The following DLG2 variants were observed in gnomAD, a reference collection of about 807,000 sequenced individuals.
The protein encoded by DLG2 is discs large MAGUK scaffold protein 2, also known as disks large homolog 2.
Under a neutral mutation model 132.5 loss-of-function variants are expected in DLG2, and 45 were observed. The observed-to-expected ratio is 0.34, with a 90% confidence interval of 0.27 to 0.44. The LOEUF (loss-of-function observed/expected upper bound fraction) is 0.44. DLG2 is among the 20% of genes least tolerant of loss of function. The pLI is 1.00. For missense variants in DLG2, 1,045 were observed against 1,196.9 expected, an observed-to-expected ratio of 0.87 and a Z score of 1.87; for synonymous variants, 424 against 419.6, an observed-to-expected ratio of 1.01 and a Z score of -0.13.
intron 6 of DLG2, among the ~76,000 whole-genome samples, chr11:84,631,010 TCTCTCTCTCA>T (rs1403447448): frequency 7.3e-4 from 95 of 129,686 alleles, no homozygotes; most frequent in Non-Finnish European, 9.3e-4. Flanking sequence ...TCTCTCTCTC[TCTCTCTCTCA>T]CACACACACA....
chr11:84,838,141 G>C (rs943731728), intron 6 of DLG2, among the ~76,000 whole-genome samples: 6 of 151,816 alleles, frequency 4.0e-5, no homozygotes, highest in African/African-American at 1.5e-4. Flanking sequence ...TCAGACATCT[G>C]ATATTTAATT....
intron 3 of DLG2, chr11:85,510,016 C>T (rs1428311173): frequency 2.1e-5 from 3 of 141,190 alleles, no homozygotes; most frequent in Non-Finnish European, 4.6e-5. Flanking sequence ...AAGGATGACA[C>T]ACAAATTCAT....
At chr11:84,373,007 T>C (rs1436383579) in intron 7 of DLG2, among the ~76,000 whole-genome samples, 3 of 151,710 alleles carry the variant, frequency 2.0e-5, no homozygotes, top group Non-Finnish European at 4.4e-5. Flanking sequence ...TGAACTTAAC[T>C]AATAACTACA....
intron 6 of DLG2, among the ~76,000 whole-genome samples, chr11:85,019,917 G>A (rs1013819707): frequency 3.3e-5 from 5 of 152,104 alleles, no homozygotes; most frequent in Non-Finnish European, 5.9e-5. Context: ...GAATAGTGCC[G>A]CAGTAAACAT....
At chr11:85,459,417 T>A (rs1303451015) in intron 3 of DLG2, among the ~76,000 whole-genome samples, 1 of 152,256 alleles carries the variant, frequency 6.6e-6, no homozygotes, top group East Asian at 1.9e-4. Flanking sequence ...CTCAGGCTCT[T>A]GGTTTCTTCC....
chr11:84,532,397 C>G (rs1319616174), intron 7 of DLG2, among the ~76,000 whole-genome samples: 1 of 152,000 alleles, frequency 6.6e-6, no homozygotes, highest in Non-Finnish European at 1.5e-5. Flanking sequence ...CTTGATTATC[C>G]TACCTACTTA....
intron 8 of DLG2, chr11:84,166,946 A>G (rs2095681767): frequency 1.9e-6 from 1 of 533,336 alleles, no homozygotes; most frequent in Non-Finnish European, 3.8e-6. Context: ...TTACGGTAAT[A>G]TTTAAGTACC....
intron 7 of DLG2, among the ~76,000 whole-genome samples, chr11:84,319,046 T>C (rs1255054669): frequency 6.6e-6 from 1 of 152,232 alleles, no homozygotes; most frequent in Non-Finnish European, 1.5e-5. Context: ...TGTTGAGGTA[T>C]TCTTGTTAAG....
intron 3 of DLG2, among the ~76,000 whole-genome samples, chr11:85,479,627 A>G (rs759393830): frequency 1.1e-4 from 16 of 152,236 alleles, no homozygotes; most frequent in Non-Finnish European, 2.1e-4. Context: ...GAAAATGCAA[A>G]TTAAAACCAA....
intron 7 of DLG2, chr11:84,273,249 G>A (rs375255392): frequency 3.5e-5 from 52 of 1,477,534 alleles, no homozygotes; most frequent in African/African-American, 4.4e-5. Context: ...ACACTTGGCC[G>A]TTGCATAGCG....
intron 7 of DLG2, among the ~76,000 whole-genome samples, chr11:84,524,260 T>G (rs983544263): frequency 3.3e-5 from 5 of 152,240 alleles, no homozygotes; most frequent in African/African-American, 1.2e-4. Flanking sequence ...CTAAAAAGAA[T>G]TCTTATATTT....
chr11:84,172,523 T>A lies in DLG2; in HGVS notation c.574-9012A>T, dbSNP rs2095848256. ...ATACTATAATTTTTTCCATTCTTAT[T>A]TATTTATTTATTTATTTATTTATTT... On this transcript the variant is annotated intron_variant, in intron 8 of 27. Coordinates refer to ENST00000376104, the MANE Select transcript of DLG2 (RefSeq NM_001142699.3). Among the ~76,000 whole-genome samples the A allele has an allele frequency of 8.5e-5, 5 of 58,956 alleles. No homozygotes were observed. The South Asian group carries it at 2.8e-3, about 32-fold the overall frequency. 38.7% of individuals were successfully genotyped at this position (58,956 alleles called of 152,430 possible). A position where few individuals can be genotyped will look rare whatever the true frequency, so the allele number is the denominator to read the frequency against.
intron 3 of DLG2, among the ~76,000 whole-genome samples, chr11:85,345,980 C>T (rs546747477): frequency 4.6e-5 from 7 of 151,856 alleles, no homozygotes; most frequent in South Asian, 2.1e-4. Context: ...TCTTGGATCT[C>T]GTACAAGAAA....
chr11:85,393,629 ATGTGTGTGTGTG>A (rs35765389), intron 3 of DLG2, among the ~76,000 whole-genome samples: 1 of 143,720 alleles, frequency 7.0e-6, no homozygotes, highest in African/African-American at 2.6e-5. Flanking sequence ...TGGTATGCAT[ATGTGTGTGTGTG>A]TGTGTGTGTG....
rs1395038317 is a variant in DLG2 at position 83,457,898 on chromosome 11, G to T, written c.*1920C>A. On this transcript the variant is annotated 3_prime_UTR_variant, in exon 28 of 28. Coordinates refer to ENST00000376104, the MANE Select transcript of DLG2 (RefSeq NM_001142699.3). Reference sequence around the variant, plus strand: ...TTGGCAAAGGAAGCCTCAGGACTATGGGAAGATGCATAATTTTGCATTTCT... The same window carrying T: ...TTGGCAAAGGAAGCCTCAGGACTATTGGAAGATGCATAATTTTGCATTTCT... 6.6e-6 allele frequency: 1 copy of T among 152,620 alleles called. No homozygotes were observed. Among genetic ancestry groups the T allele is most frequent in the African/African-American group, 2.4e-5 (1 of 41,440 alleles). The allele number at this position is 152,620 out of a possible 1,614,324, so 9.5% of individuals were successfully genotyped here. A position where few individuals can be genotyped will look rare whatever the true frequency, so the allele number is the denominator to read the frequency against.
At chr11:83,484,287 A>G (rs1310519695) in intron 21 of DLG2, 59 bp from the exon 22 acceptor site, 1 of 1,233,886 alleles carries the variant, frequency 8.1e-7, no homozygotes. Flanking sequence ...TGTCACACTC[A>G]TGCTGACAAA....
At chr11:85,063,198 T>C (rs118117049) in intron 6 of DLG2, among the ~76,000 whole-genome samples, 2,954 of 151,872 alleles carry the variant, frequency 0.019, 51 homozygotes, top group Admixed American at 0.041. Context: ...AATTACTTCA[T>C]TTCTTCACTA....
intron 8 of DLG2, among the ~76,000 whole-genome samples, chr11:84,186,422 A>G (rs1010595771): frequency 1.3e-5 from 2 of 152,144 alleles, no homozygotes; most frequent in African/African-American, 2.4e-5. Flanking sequence ...ACAACTTAGA[A>G]TTTAGGACAA....
chr11:83,825,171 ATTTTTTTTTTTTTTTT>A (rs10566177), intron 17 of DLG2, among the ~76,000 whole-genome samples: 4 of 72,598 alleles, frequency 5.5e-5, no homozygotes, highest in Non-Finnish European at 7.7e-5. Flanking sequence ...ATATATATAT[ATTTTTTTTTTTTTTTT>A]TTTTTTTTTT....
Sources: allele counts gnomAD v4.1 joint callset (sites outside exome capture counted in the v4.1 genomes callset), GRCh38; gene constraint gnomAD v4.1.1; transcripts MANE v1.5; gene names NCBI Gene and HGNC (gene_info 2026-07-23, HGNC 2026-07-21).